PRUNE2: variants seen among roughly 807,000 people sequenced by gnomAD.
The protein encoded by PRUNE2 is protein prune homolog 2.
PRUNE2 carries 164 observed loss-of-function variants against 252.0 expected under a neutral mutation model. The ratio of observed to expected loss-of-function variants is 0.65; its 90% CI spans 0.57 to 0.74. The LOEUF is 0.74. Among genes scored for constraint, PRUNE2 ranks in the 30% least tolerant of loss-of-function variants. The probability of loss-of-function intolerance (pLI) is 0.00; values close to 1 mark genes in which losing one functional copy is unlikely to be tolerated. For synonymous variants in PRUNE2, 1,292 were observed against 1,350.2 expected, an observed-to-expected ratio of 0.96 and a Z score of 0.94; for missense variants, 3,495 against 3,711.0, an observed-to-expected ratio of 0.94 and a Z score of 1.51.
intron 4 of PRUNE2, among the ~76,000 whole-genome samples, chr9:76,838,152 T>C (rs1238072353): frequency 8.0e-6 from 1 of 125,052 alleles, no homozygotes; most frequent in African/African-American, 2.5e-5. Context: ...TTTTTCCTGA[T>C]CTTGACCTTT....
In PRUNE2 at chr9:76,611,413, G is replaced by A. The variant is rs540600749; in HGVS notation, c.*3157C>T. Reference sequence around the variant, plus strand: ...TTTTATTTCTGAATTATACAGTGAGGCTATATAGATATATTGTGTCATTAA... The same window carrying A: ...TTTTATTTCTGAATTATACAGTGAGACTATATAGATATATTGTGTCATTAA... On this transcript the variant is annotated 3_prime_UTR_variant, in exon 19 of 19. Transcript: ENST00000376718. The A allele has an allele frequency of 1.3e-5, 2 of 152,214 alleles. No individual in the cohort carries two copies. Among genetic ancestry groups the A allele is most frequent in the African/African-American group, 4.8e-5 (2 of 41,554 alleles). 9.4% of individuals were successfully genotyped at this position (152,214 alleles called of 1,614,324 possible).
chr9:76,762,711 AT>A (rs1457112683), intron 6 of PRUNE2, among the ~76,000 whole-genome samples: 1 of 152,136 alleles, frequency 6.6e-6, no homozygotes, highest in Non-Finnish European at 1.5e-5. Context: ...AGGTCCCTAC[AT>A]ACACGACCAC....
chr9:76,795,749 T>C (rs1275746735), intron 6 of PRUNE2, among the ~76,000 whole-genome samples: 1 of 152,248 alleles, frequency 6.6e-6, no homozygotes, highest in African/African-American at 2.4e-5. Flanking sequence ...TAATGAATCA[T>C]GTAGTCCACC....
At chr9:76,640,273 G>A (rs1294458576) in intron 12 of PRUNE2, among the ~76,000 whole-genome samples, 2 of 152,182 alleles carry the variant, frequency 1.3e-5, no homozygotes, top group Non-Finnish European at 2.9e-5. Flanking sequence ...TTTGGATGGA[G>A]TTAATTCACT....
At chr9:76,817,491 A>G (rs955660828) in intron 6 of PRUNE2, among the ~76,000 whole-genome samples, 1 of 152,266 alleles carries the variant, frequency 6.6e-6, no homozygotes, top group Admixed American at 6.5e-5. Flanking sequence ...TGAGCCAATG[A>G]AATATGAGCA....
At chr9:76,837,585 G>T (rs1403374836) in intron 4 of PRUNE2, among the ~76,000 whole-genome samples, 1 of 151,338 alleles carries the variant, frequency 6.6e-6, no homozygotes, top group Non-Finnish European at 1.5e-5. Flanking sequence ...TAGAGCAGGG[G>T]TATTTCTATG....
At chr9:76,830,648 T>A in intron 4 of PRUNE2, among the ~76,000 whole-genome samples, 1 of 141,540 alleles carries the variant, frequency 7.1e-6, no homozygotes. Context: ...CAAGACTCAG[T>A]CTCAAAAACA....
At chr9:76,776,947 A>C (rs1396090751) in intron 6 of PRUNE2, among the ~76,000 whole-genome samples, 14 of 108,424 alleles carry the variant, frequency 1.3e-4, no homozygotes, top group Non-Finnish European at 2.7e-4. Context: ...CACACACACA[A>C]AGGGCCTGGA....
chr9:76,636,641 A>AAT lies in PRUNE2; in HGVS notation c.8964-86_8964-85dup, dbSNP rs940817701. 9.3e-6 allele frequency: 7 copies of AAT among 756,258 alleles called. No homozygotes were observed. In the Admixed American group the frequency reaches 1.7e-4, roughly 18 times the overall value. 46.8% of individuals were successfully genotyped at this position (756,258 alleles called of 1,614,324 possible). ...AACATAAAACATATTCCTAAATAAG[A>AAT]ATATATATAATTTAAGTCTGGCATG... On this transcript the variant is annotated intron_variant, in intron 14 of 18. Coordinates refer to ENST00000376718, the MANE Select transcript of PRUNE2 (RefSeq NM_015225.3).
chr9:76,751,027 T>C (rs1390222197), intron 6 of PRUNE2, among the ~76,000 whole-genome samples: 1 of 152,200 alleles, frequency 6.6e-6, no homozygotes, highest in African/African-American at 2.4e-5. Context: ...AACAGAAGGC[T>C]CCTGCTGTAT....
chr9:76,751,690 A>C (rs1257434857), intron 6 of PRUNE2, among the ~76,000 whole-genome samples: 1 of 152,240 alleles, frequency 6.6e-6, no homozygotes, highest in Non-Finnish European at 1.5e-5. Context: ...CTCACCGAAA[A>C]TACTACTAGA....
intron 6 of PRUNE2, among the ~76,000 whole-genome samples, chr9:76,817,465 C>T (rs1162435041): frequency 6.6e-6 from 1 of 152,196 alleles, no homozygotes; most frequent in Non-Finnish European, 1.5e-5. Flanking sequence ...CCTCCAGTTA[C>T]ATGTGACCAT....
chr9:76,706,367 A>G lies in PRUNE2; in HGVS notation c.5907T>C (p.His1969=), dbSNP rs1459543825. Residue 1969 remains histidine (H), a synonymous_variant, in exon 8 of 19, where the codon CAT becomes CAC. Coordinates refer to ENST00000376718, the MANE Select transcript of PRUNE2 (RefSeq NM_015225.3). The part of the protein sequence containing the change: ...CQDTMLPVCD[H]PDTAFTHAEE... ...CTGCGTGAGTAAAGGCTGTGTCCGG[A>G]TGATCACAGACTGGCAGCATGGTGT... 2 of 1,613,922 alleles carry G rather than the reference A, an allele frequency of 1.2e-6. No individual in the cohort carries two copies.
chr9:76,769,988 G>T (rs768860306), intron 6 of PRUNE2, among the ~76,000 whole-genome samples: 1 of 152,114 alleles, frequency 6.6e-6, no homozygotes, highest in African/African-American at 2.4e-5. Flanking sequence ...CAAGAGCAGT[G>T]AAGTCCATTT....
chr9:76,678,609 G>C (rs2043044086), intron 9 of PRUNE2, among the ~76,000 whole-genome samples: 2 of 152,038 alleles, frequency 1.3e-5, no homozygotes, highest in South Asian at 2.1e-4. Context: ...ATGGGCGGAT[G>C]ACGAGGTCAG....
rs367685382 is a variant in PRUNE2, at chr9:76,826,611, G to A, written c.630C>T (p.Asn210=). 132 of 1,610,380 alleles carry A rather than the reference G, an allele frequency of 8.2e-5. No homozygotes were observed. The Middle Eastern group carries it at 8.3e-4, about 10-fold the overall frequency. ...CACTGAACTGGGTCTCCTGTAGGACGTTGATGATGTCCTCTCTTGGAGGCA... is the reference window on the plus strand; with the variant it reads ...CACTGAACTGGGTCTCCTGTAGGACATTGATGATGTCCTCTCTTGGAGGCA... ...PNLPPREDII[N]VLQETQFSAQ... Residue 210 remains asparagine, a synonymous_variant, in exon 5 of 19, where the codon AAC becomes AAT. Transcript: ENST00000376718.
intron 1 of PRUNE2, among the ~76,000 whole-genome samples, chr9:76,880,553 T>C (rs1305212297): frequency 1.3e-5 from 2 of 152,178 alleles, no homozygotes; most frequent in South Asian, 2.1e-4. Context: ...AGGACCAAAA[T>C]TGCTAGTTTC....
intron 6 of PRUNE2, among the ~76,000 whole-genome samples, chr9:76,767,190 G>A (rs985369432): frequency 2.6e-5 from 4 of 152,138 alleles, no homozygotes; most frequent in African/African-American, 7.2e-5. Flanking sequence ...TGTGGGTCAC[G>A]CCTGTAATCC....
intron 6 of PRUNE2, 92 bp from the exon 7 acceptor site, chr9:76,713,813 A>C: frequency 1.2e-6 from 1 of 804,952 alleles, no homozygotes; most frequent in Non-Finnish European, 1.9e-6. Flanking sequence ...TGATGTATTT[A>C]GGAGAGATAT....
Sources: allele counts gnomAD v4.1 joint callset (sites outside exome capture counted in the v4.1 genomes callset), GRCh38; gene constraint gnomAD v4.1.1; transcripts MANE v1.5; gene names NCBI Gene and HGNC (gene_info 2026-07-23, HGNC 2026-07-21).